The following PTPRA variants were observed in gnomAD, a reference collection of about 807,000 sequenced individuals.
PTPRA encodes protein tyrosine phosphatase receptor type A.
Under a neutral mutation model 104.8 loss-of-function variants are expected in PTPRA, and 25 were observed. The observed-to-expected ratio is 0.24, with a 90% CI of 0.17 to 0.33. PTPRA has a LOEUF of 0.33. PTPRA is among the 10% of genes least tolerant of loss of function. The pLI is 1.00. For missense variants in PTPRA, 765 were observed against 1,015.3 expected (o/e 0.75, Z 3.35); for synonymous variants, 323 against 368.9 (o/e 0.88, Z 1.43).
At chr20:2,989,878 A>AGTCG in intron 9 of PTPRA, among the ~76,000 whole-genome samples, 1 of 151,952 alleles carries the variant, frequency 6.6e-6, no homozygotes, top group South Asian at 2.1e-4. Context: ...TTAGCTGGGC[A>AGTCG]TGGTGGTGGG....
At chr20:2,864,493 C>G in the PTPRA span, 3 of 1,614,044 alleles carry the variant, frequency 1.9e-6, no homozygotes, top group East Asian at 6.7e-5. This position sits in a 1 kb window ranked among gnomAD's most constrained non-coding sequence, Gnocchi z 5.2. Flanking sequence ...TGTGGTGTAG[C>G]CTTCTGAGCA....
At chr20:3,026,900 C>G in intron 18 of PTPRA, 120 bp downstream of exon 18, 1 of 985,296 alleles carries the variant, frequency 1.0e-6, no homozygotes. Context: ...GGCATTGCCT[C>G]TTGTTGCACC....
intron 2 of PTPRA, among the ~76,000 whole-genome samples, chr20:2,944,040 T>A (rs1294165690): frequency 7.5e-6 from 1 of 132,628 alleles, no homozygotes; most frequent in Non-Finnish European, 1.6e-5. Context: ...TCTACTGGTC[T>A]TTTTTTTTTT....
chr20:3,037,016 C>A lies in PTPRA; in HGVS notation c.2199-138C>A. The A allele has an allele frequency of 1.6e-6, 2 of 1,230,532 alleles. No individual in the cohort carries two copies. The highest frequency in any genetic ancestry group is 2.3e-6 in the Non-Finnish European group (2 of 876,508). The allele number at this position is 1,230,532 out of a possible 1,614,324, so 76.2% of individuals were successfully genotyped here. On this transcript the variant is annotated intron_variant, in intron 22 of 23. Transcript: ENST00000399903. The surrounding 1 kb of genome is among the most constrained non-coding windows in gnomAD (Gnocchi z 4.3). ...GTACACTGCCTCCCGACCCAGAACCCCTCCAGGCTGGTGGGTCCACAGGGC... is the reference window on the plus strand; with the variant it reads ...GTACACTGCCTCCCGACCCAGAACCACTCCAGGCTGGTGGGTCCACAGGGC...
intron 3 of PTPRA, among the ~76,000 whole-genome samples, chr20:2,949,526 C>T (rs550701348): frequency 6.6e-6 from 1 of 152,110 alleles, no homozygotes; most frequent in East Asian, 1.9e-4. Context: ...CTCCTGGGCT[C>T]AAGCAATCCT....
chr20:2,910,326 TTA>T (rs1369378003), intron 1 of PTPRA, among the ~76,000 whole-genome samples: 180 of 87,592 alleles, frequency 2.1e-3, no homozygotes, highest in African/African-American at 6.6e-3. Context: ...AATATATATT[TTA>T]TATATAATAT....
At chr20:2,983,810 A>G (rs1485643818) in intron 6 of PTPRA, among the ~76,000 whole-genome samples, 1 of 152,124 alleles carries the variant, frequency 6.6e-6, no homozygotes, top group Non-Finnish European at 1.5e-5. Context: ...GCAAATAGGC[A>G]GTTGAGAATC....
intron 11 of PTPRA, among the ~76,000 whole-genome samples, chr20:3,011,206 A>G (rs1010369636): frequency 6.6e-6 from 1 of 152,234 alleles, no homozygotes; most frequent in Non-Finnish European, 1.5e-5. Flanking sequence ...AGAGGGTTAA[A>G]TGGGGGACCT....
At chr20:2,925,893 T>C (rs544556596) in intron 2 of PTPRA, among the ~76,000 whole-genome samples, 48 of 152,244 alleles carry the variant, frequency 3.2e-4, no homozygotes, top group African/African-American at 1.1e-3. Flanking sequence ...TTAGTTCTTT[T>C]GAGTATATTC....
At chr20:2,932,723 G>A (rs901855251) in intron 2 of PTPRA, among the ~76,000 whole-genome samples, 3 of 152,198 alleles carry the variant, frequency 2.0e-5, no homozygotes, top group Non-Finnish European at 4.4e-5. Context: ...TTTCTGCACA[G>A]CACTGAGGAG....
At chr20:2,866,799 C>A in the PTPRA span, 1 of 603,704 alleles carries the variant, frequency 1.7e-6, no homozygotes, top group Non-Finnish European at 2.8e-6. Flanking sequence ...CCAGACACCA[C>A]AGCAAAACTC....
chr20:2,938,383 A>G (rs886209638), intron 2 of PTPRA, among the ~76,000 whole-genome samples: 2 of 151,950 alleles, frequency 1.3e-5, no homozygotes, highest in South Asian at 2.1e-4. Flanking sequence ...ATGGGGTTTC[A>G]CCATGTTGGC....
At chr20:2,895,750 G>A (rs1343440833) in intron 1 of PTPRA, among the ~76,000 whole-genome samples, 1 of 151,926 alleles carries the variant, frequency 6.6e-6, no homozygotes, top group Non-Finnish European at 1.5e-5. Context: ...GGCTGTTCTC[G>A]AACTCCTGCC....
At chr20:2,908,749 T>TA (rs1472897673) in intron 1 of PTPRA, among the ~76,000 whole-genome samples, 6 of 151,756 alleles carry the variant, frequency 4.0e-5, no homozygotes, top group African/African-American at 7.3e-5. Flanking sequence ...AATACAAAAT[T>TA]AAAAAAAATG....
At chr20:3,013,199 A>G (rs971201802) in intron 11 of PTPRA, among the ~76,000 whole-genome samples, 4 of 152,136 alleles carry the variant, frequency 2.6e-5, no homozygotes, top group Admixed American at 2.6e-4. Flanking sequence ...GAGACCACAC[A>G]CATGGATCTT....
At chr20:2,951,132 C>G (rs1568666324) in intron 3 of PTPRA, among the ~76,000 whole-genome samples, 2 of 151,882 alleles carry the variant, frequency 1.3e-5, no homozygotes, top group Non-Finnish European at 2.9e-5. Flanking sequence ...CGGAGTCTCG[C>G]TTTGTCACCC....
intron 3 of PTPRA, among the ~76,000 whole-genome samples, chr20:2,957,993 C>T (rs1478904961): frequency 1.3e-5 from 2 of 150,230 alleles, no homozygotes; most frequent in East Asian, 1.9e-4. Flanking sequence ...AAGTATAGGG[C>T]TGACAGTTTG....
upstream of PTPRA, among the ~76,000 whole-genome samples, chr20:2,869,364 T>C (rs2089401085): frequency 1.3e-5 from 2 of 152,224 alleles, no homozygotes; most frequent in South Asian, 4.1e-4. Flanking sequence ...CTACATACAT[T>C]GCAATCCACA....
At chr20:2,916,244 T>C (rs1395219920) in intron 1 of PTPRA, among the ~76,000 whole-genome samples, 1 of 152,144 alleles carries the variant, frequency 6.6e-6, no homozygotes, top group African/African-American at 2.4e-5. Flanking sequence ...TTCACTATTA[T>C]TGCCTAGGCT....
Sources: allele counts gnomAD v4.1 joint callset (sites outside exome capture counted in the v4.1 genomes callset), GRCh38; gene constraint gnomAD v4.1.1; non-coding constraint Gnocchi (gnomAD v3.1); transcripts MANE v1.5; gene names NCBI Gene and HGNC (gene_info 2026-07-23, HGNC 2026-07-21).